Variants in MEIKIN observed in about 807,000 individuals in gnomAD.
MEIKIN encodes the protein meiosis-specific kinetochore protein.
chr5:131,812,390 T>C (rs1772974975), intron 12 of MEIKIN, among the ~76,000 whole-genome samples: 1 of 152,030 alleles, frequency 6.6e-6, no homozygotes, highest in South Asian at 2.1e-4. Flanking sequence ...TATTTTTTGG[T>C]GACACATATA....
chr5:131,890,032 T>A (rs1467457965), intron 8 of MEIKIN, among the ~76,000 whole-genome samples: 1 of 152,226 alleles, frequency 6.6e-6, no homozygotes, highest in Non-Finnish European at 1.5e-5. Context: ...TTTCGTATGT[T>A]GAACCAGCCC....
intron 8 of MEIKIN, among the ~76,000 whole-genome samples, chr5:131,881,684 T>A (rs1750705025): frequency 6.6e-6 from 1 of 152,116 alleles, no homozygotes. Context: ...ACCATATATA[T>A]AATAACAGTC....
rs947946416 is a variant in MEIKIN, at chr5:131,812,018, C to T, written c.1100-4760G>A. Among the ~76,000 whole-genome samples the T allele has an allele frequency of 3.3e-5, 5 of 152,152 alleles. No homozygotes were observed. The East Asian group carries it at 5.8e-4, about 18-fold the overall frequency. ...CTGACATAAGGAAACACAACATTAT[C>T]GGCACCCTAGAATTCCCCCTTGTAA... On this transcript the variant is annotated intron_variant, in intron 12 of 12. Transcript: ENST00000442687.
At chr5:131,844,860 T>A (rs1474804607) in intron 11 of MEIKIN, among the ~76,000 whole-genome samples, 1 of 152,132 alleles carries the variant, frequency 6.6e-6, no homozygotes, top group Non-Finnish European at 1.5e-5. Context: ...TGACTGTGCA[T>A]GTCTAGAAAA....
intron 8 of MEIKIN, among the ~76,000 whole-genome samples, chr5:131,882,555 G>A (rs1462799682): frequency 1.3e-5 from 2 of 151,740 alleles, no homozygotes; most frequent in African/African-American, 4.8e-5. Flanking sequence ...CCGACCTATG[G>A]GGCTATTTAA....
At chr5:131,831,994 A>G (rs190325180) in intron 11 of MEIKIN, among the ~76,000 whole-genome samples, 1 of 152,208 alleles carries the variant, frequency 6.6e-6, no homozygotes, top group East Asian at 1.9e-4. Flanking sequence ...CAGCCAAACC[A>G]TATCATTCCA....
At chr5:131,892,642 T>A (rs1750949055) in intron 8 of MEIKIN, among the ~76,000 whole-genome samples, 1 of 152,206 alleles carries the variant, frequency 6.6e-6, no homozygotes, top group Non-Finnish European at 1.5e-5. Flanking sequence ...GTTTTTAATA[T>A]CTTTGCTATT....
At chr5:131,890,288 C>T (rs1022492836) in intron 8 of MEIKIN, among the ~76,000 whole-genome samples, 3 of 152,276 alleles carry the variant, frequency 2.0e-5, no homozygotes, top group East Asian at 1.9e-4. Flanking sequence ...CCAGCTCCTC[C>T]TTGTACCTCT....
chr5:131,821,491 T>C (rs751232857), intron 11 of MEIKIN, among the ~76,000 whole-genome samples: 2 of 152,224 alleles, frequency 1.3e-5, no homozygotes, highest in Non-Finnish European at 2.9e-5. Flanking sequence ...TAAAATGTTC[T>C]ATAAATATCT....
At chr5:131,862,824 G>C (rs1246726023) in intron 9 of MEIKIN, among the ~76,000 whole-genome samples, 3 of 152,122 alleles carry the variant, frequency 2.0e-5, no homozygotes, top group Non-Finnish European at 4.4e-5. Context: ...AGACTCCTGA[G>C]TAGTTAGGAC....
At chr5:131,829,075 C>A (rs1463913029) in intron 11 of MEIKIN, among the ~76,000 whole-genome samples, 1 of 151,906 alleles carries the variant, frequency 6.6e-6, no homozygotes, top group Non-Finnish European at 1.5e-5. Flanking sequence ...ATACAAGGGA[C>A]AAGGAGAAGA....
At chr5:131,925,678 GT>G (rs905509130) in intron 5 of MEIKIN, among the ~76,000 whole-genome samples, 1 of 150,554 alleles carries the variant, frequency 6.6e-6, no homozygotes, top group Non-Finnish European at 1.5e-5. Flanking sequence ...TTTGTTTTTT[GT>G]TTTTTTTGAG....
intron 7 of MEIKIN, among the ~76,000 whole-genome samples, chr5:131,913,578 A>G (rs1166114725): frequency 6.6e-6 from 1 of 152,198 alleles, no homozygotes; most frequent in Non-Finnish European, 1.5e-5. Context: ...AGAAACACAC[A>G]TTCTTGGACT....
chr5:131,842,297 C>T (rs535760917), intron 11 of MEIKIN, among the ~76,000 whole-genome samples: 1 of 152,222 alleles, frequency 6.6e-6, no homozygotes, highest in South Asian at 2.1e-4. Flanking sequence ...CTTTTTATTT[C>T]TTTTCATTGC....
intron 12 of MEIKIN, among the ~76,000 whole-genome samples, chr5:131,814,441 C>A (rs888083081): frequency 1.3e-5 from 2 of 151,922 alleles, no homozygotes; most frequent in African/African-American, 4.8e-5. Context: ...CCACACCTGG[C>A]TAATTTCTGT....
Position 131,944,580 on chromosome 5 carries a change from T to C in MEIKIN, c.288+85A>G, listed in dbSNP as rs181815819. 205 of 398,164 alleles carry C rather than the reference T, an allele frequency of 5.1e-4. 1 individual carries two copies. Among genetic ancestry groups the C allele is most frequent in the Non-Finnish European group, 5.7e-4 (129 of 225,594 alleles). 24.7% of individuals were successfully genotyped at this position (398,164 alleles called of 1,614,324 possible). A position where few individuals can be genotyped will look rare whatever the true frequency, so the allele number is the denominator to read the frequency against. ...TGTAACATCTACAGAACAAAGCCCA[T>C]TTTATTCTTTCATCCGGAGGTACAT... is the stretch of plus-strand genomic sequence containing the variant. On this transcript the variant is annotated intron_variant, in intron 3 of 12. Transcript: ENST00000442687.
chr5:131,915,771 G>A, intron 7 of MEIKIN, among the ~76,000 whole-genome samples: 1 of 152,082 alleles, frequency 6.6e-6, no homozygotes. Flanking sequence ...GAAGGGTGAT[G>A]AGGGTTTAAG....
chr5:131,872,444 G>GA (rs1188105764), intron 9 of MEIKIN, among the ~76,000 whole-genome samples: 1 of 152,136 alleles, frequency 6.6e-6, no homozygotes, highest in Non-Finnish European at 1.5e-5. Context: ...GAGAAGTTTA[G>GA]AGAAAAAATA....
intron 6 of MEIKIN, among the ~76,000 whole-genome samples, chr5:131,920,763 G>A (rs1374139577): frequency 6.6e-6 from 1 of 151,014 alleles, no homozygotes; most frequent in Non-Finnish European, 1.5e-5. Context: ...GTACAAACGT[G>A]GCTCACTGTA....
Sources: gnomAD v4.1 joint callset for allele counts (sites outside exome capture counted in the v4.1 genomes callset) on GRCh38, gnomAD v4.1.1 for gene constraint, MANE v1.5 for transcripts, NCBI Gene and HGNC (gene_info 2026-07-23, HGNC 2026-07-21) for gene names.